The following CHD2 variants were observed in gnomAD, a reference collection of about 807,000 sequenced individuals.
The protein encoded by CHD2 is ATP-dependent chromatin remodeler CHD2.
In CHD2, 28 loss-of-function variants were observed where a neutral mutation model predicts 243.9. The observed-to-expected ratio is 0.11, with a 90% CI of 0.09 to 0.16. The LOEUF (loss-of-function observed/expected upper bound fraction) is 0.16, where lower values mean the gene tolerates loss of function less well. Ranked by LOEUF, CHD2 falls within the 10% of genes least tolerant of loss-of-function variation. The probability of loss-of-function intolerance (pLI) is 1.00; values close to 1 mark genes in which losing one functional copy is unlikely to be tolerated. For synonymous variants in CHD2, 775 were observed against 779.0 expected, an observed-to-expected ratio of 0.99 and a Z score of 0.09; for missense variants, 1,386 against 2,209.8, an observed-to-expected ratio of 0.63 and a Z score of 7.47.
intron 13 of CHD2, 68 bp downstream of exon 13, chr15:92,949,144 ATTTT>A (rs1002924182): frequency 6.7e-7 from 1 of 1,494,854 alleles, no homozygotes; most frequent in African/African-American, 1.4e-5. Context: ...GATGTCAAGA[ATTTT>A]TTTTTTCTTT....
chr15:92,921,499 T>C (rs2052954738), intron 2 of CHD2: 1 of 152,216 alleles, frequency 6.6e-6, no homozygotes, highest in Non-Finnish European at 1.5e-5. Flanking sequence ...GACTGCCCTT[T>C]CTATTAAATA....
At chr15:92,940,908 AT>A (rs2053361941) in intron 7 of CHD2, among the ~76,000 whole-genome samples, 1 of 92,088 alleles carries the variant, frequency 1.1e-5, no homozygotes. Flanking sequence ...ATATAAATAT[AT>A]ATATAAATAT....
At chr15:92,925,060 C>T (rs942662619) in intron 3 of CHD2, among the ~76,000 whole-genome samples, 2 of 152,174 alleles carry the variant, frequency 1.3e-5, no homozygotes, top group African/African-American at 4.8e-5. Context: ...CTCGGCCTCC[C>T]AAAGTGCTGG....
Position 93,004,605 on chromosome 15 carries a change from CTTTTT to C in CHD2, c.4279-10_4279-6del. On this transcript the variant is annotated splice_region_variant and splice_polypyrimidine_tract_variant and intron_variant, in intron 33 of 38. Coordinates refer to ENST00000394196, the MANE Select transcript of CHD2 (RefSeq NM_001271.4). ...CAAATGACAATGACTCCTTGTAACT[CTTTTT>C]TAAAAGCCTAAAAGTGGTGATGCCA... is the stretch of plus-strand genomic sequence containing the variant. The C allele has an allele frequency of 6.2e-7, 1 of 1,606,638 alleles. No individual in the cohort carries two copies. The highest frequency in any genetic ancestry group is 8.5e-7 in the Non-Finnish European group (1 of 1,175,202).
At chr15:92,953,704 TAGG>T (rs1473814046) in intron 14 of CHD2, 131 bp downstream of exon 14, 1 of 805,118 alleles carries the variant, frequency 1.2e-6, no homozygotes, top group African/African-American at 1.7e-5. Flanking sequence ...TTCTCAATAT[TAGG>T]AGGTTTATCT....
intron 14 of CHD2, among the ~76,000 whole-genome samples, chr15:92,955,206 A>G (rs2053603769): frequency 6.6e-6 from 1 of 152,194 alleles, no homozygotes; most frequent in African/African-American, 2.4e-5. Flanking sequence ...TGATTCTGGC[A>G]ATAAAGCTTT....
intron 2 of CHD2, among the ~76,000 whole-genome samples, chr15:92,917,828 G>T (rs143934219): frequency 3.3e-3 from 499 of 152,260 alleles, no homozygotes; most frequent in Non-Finnish European, 6.2e-3. Context: ...CTTCTTTATA[G>T]GTAAGGATTA....
intron 26 of CHD2, among the ~76,000 whole-genome samples, chr15:92,988,336 C>T (rs540989510): frequency 2.0e-5 from 3 of 152,268 alleles, no homozygotes; most frequent in East Asian, 1.9e-4. Context: ...CGGTGTGCCT[C>T]GGCCTCCCAA....
At chr15:92,906,908 C>CA (rs776999878) in intron 2 of CHD2, among the ~76,000 whole-genome samples, 1 of 152,138 alleles carries the variant, frequency 6.6e-6, no homozygotes, top group Non-Finnish European at 1.5e-5. Context: ...GCGTTGAGTT[C>CA]ACATGTATAC....
At chr15:92,922,706 CT>C (rs1457155360) in intron 2 of CHD2, among the ~76,000 whole-genome samples, 1 of 152,160 alleles carries the variant, frequency 6.6e-6, no homozygotes, top group Non-Finnish European at 1.5e-5. Context: ...CCTTGCCCCC[CT>C]CAGAGCAAAG....
At chr15:92,909,086 A>G (rs1372520791) in intron 2 of CHD2, among the ~76,000 whole-genome samples, 2 of 135,974 alleles carry the variant, frequency 1.5e-5, no homozygotes, top group Non-Finnish European at 3.2e-5. Context: ...ACACCACTGC[A>G]CTCCAGCCTG....
At chr15:92,904,616 C>T in intron 2 of CHD2, 1 of 1,171,018 alleles carries the variant, frequency 8.5e-7, no homozygotes, top group Non-Finnish European at 1.1e-6. Flanking sequence ...TGTTCTTTTG[C>T]CCATTTCCGG....
At chr15:92,952,144 CT>C (rs1303084000) in intron 13 of CHD2, among the ~76,000 whole-genome samples, 1 of 152,178 alleles carries the variant, frequency 6.6e-6, no homozygotes, top group Non-Finnish European at 1.5e-5. Flanking sequence ...ATTTTCCTAA[CT>C]CTGGCTGTTT....
intron 20 of CHD2, among the ~76,000 whole-genome samples, chr15:92,975,605 G>A (rs1012874433): frequency 1.3e-5 from 2 of 151,184 alleles, no homozygotes; most frequent in Non-Finnish European, 3.0e-5. Context: ...GGAAGCAGTG[G>A]AGACAACCTG....
At chr15:92,991,262 CTTTAA>C in intron 26 of CHD2, 1 of 472,784 alleles carries the variant, frequency 2.1e-6, no homozygotes. Context: ...TAAAGTTGAT[CTTTAA>C]TTTGAATAGA....
intron 24 of CHD2, 125 bp downstream of exon 24, chr15:92,981,582 A>G (rs1475084546): frequency 1.5e-6 from 1 of 668,958 alleles, no homozygotes; most frequent in African/African-American, 1.8e-5. Flanking sequence ...TCATATCCTC[A>G]ATATTGTTCT....
intron 38 of CHD2, chr15:93,021,925 G>A (rs778436428): frequency 4.6e-5 from 7 of 152,142 alleles, no homozygotes; most frequent in African/African-American, 1.7e-4. Context: ...GGATATTTCT[G>A]TATTCCTGTA....
At chr15:93,019,450 G>C (rs944629599) in intron 37 of CHD2, among the ~76,000 whole-genome samples, 4 of 152,120 alleles carry the variant, frequency 2.6e-5, no homozygotes. Flanking sequence ...AATTTTGTTG[G>C]AAAGAATGTT....
intron 6 of CHD2, among the ~76,000 whole-genome samples, chr15:92,938,373 T>C (rs562987365): frequency 7.9e-5 from 12 of 152,364 alleles, no homozygotes; most frequent in African/African-American, 2.6e-4. Flanking sequence ...TTTTGAATTA[T>C]TTAAAAAAAT....
Sources: allele counts gnomAD v4.1 joint callset (sites outside exome capture counted in the v4.1 genomes callset), GRCh38; gene constraint gnomAD v4.1.1; transcripts MANE v1.5; gene names NCBI Gene and HGNC (gene_info 2026-07-23, HGNC 2026-07-21).